Variants in PRICKLE1 observed in about 807,000 individuals in gnomAD.
The protein encoded by PRICKLE1 is prickle planar cell polarity protein 1, also known as prickle-like protein 1.
Under a neutral mutation model 70.2 loss-of-function variants are expected in PRICKLE1, and 14 were observed. The ratio of observed to expected loss-of-function variants is 0.20; its 90% confidence interval spans 0.13 to 0.31. PRICKLE1 has a LOEUF of 0.31. Ranked by LOEUF, PRICKLE1 falls within the 10% of genes least tolerant of loss-of-function variation. PRICKLE1 has a pLI of 1.00. For missense variants in PRICKLE1, 821 were observed against 1,026.2 expected (o/e 0.80, Z 2.73); for synonymous variants, 357 against 379.9 (o/e 0.94, Z 0.70).
intron 3 of PRICKLE1, chr12:42,469,896 C>A (rs897526454): frequency 5.6e-5 from 28 of 497,850 alleles, no homozygotes; most frequent in Middle Eastern, 5.5e-4. Context: ...TTAATTGCCA[C>A]TTTTACTCTC....
At chr12:42,579,717 G>A (rs1353565834) in intron 1 of PRICKLE1, among the ~76,000 whole-genome samples, 1 of 152,078 alleles carries the variant, frequency 6.6e-6, no homozygotes, top group Non-Finnish European at 1.5e-5. Context: ...AGTTAGCCAG[G>A]TTTCAGAATA....
At chr12:42,511,466 T>C (rs1939511176) in intron 1 of PRICKLE1, among the ~76,000 whole-genome samples, 1 of 152,216 alleles carries the variant, frequency 6.6e-6, no homozygotes, top group African/African-American at 2.4e-5. Context: ...CCTCCAGGTA[T>C]GAGATTAACA....
At chr12:42,561,524 G>T (rs1352060284) in intron 1 of PRICKLE1, among the ~76,000 whole-genome samples, 1 of 152,134 alleles carries the variant, frequency 6.6e-6, no homozygotes, top group Non-Finnish European at 1.5e-5. Context: ...CTGTAGAAAG[G>T]TTTATTCTGT....
At chr12:42,499,725 A>AATTT (rs3086550) in intron 1 of PRICKLE1, among the ~76,000 whole-genome samples, 25,276 of 143,998 alleles carry the variant, frequency 0.18, 2,883 homozygotes, top group African/African-American at 0.32. Context: ...CTGGCCTAGA[A>AATTT]ATTTATTTAT....
intron 1 of PRICKLE1, among the ~76,000 whole-genome samples, chr12:42,502,250 C>T (rs1252466455): frequency 7.2e-6 from 1 of 138,004 alleles, no homozygotes; most frequent in Non-Finnish European, 1.5e-5. Context: ...TATATATACA[C>T]ACCTATATAT....
intron 1 of PRICKLE1, among the ~76,000 whole-genome samples, chr12:42,472,995 C>T (rs1938384813): frequency 6.6e-6 from 1 of 152,138 alleles, no homozygotes; most frequent in Admixed American, 6.5e-5. Context: ...GGCTCAAGAC[C>T]CCACTCGGCA....
At chr12:42,562,114 T>G (rs2120709304) in intron 1 of PRICKLE1, among the ~76,000 whole-genome samples, 1 of 152,192 alleles carries the variant, frequency 6.6e-6, no homozygotes, top group East Asian at 1.9e-4. Context: ...GTTTCCATGT[T>G]GGCCAGGCTG....
At chr12:42,475,441 AG>A (rs1938484346) in intron 1 of PRICKLE1, among the ~76,000 whole-genome samples, 1 of 152,160 alleles carries the variant, frequency 6.6e-6, no homozygotes, top group Non-Finnish European at 1.5e-5. Flanking sequence ...CAATTGCCCA[AG>A]GTCAGTAAGT....
At chr12:42,519,551 A>G (rs561794106) in intron 1 of PRICKLE1, among the ~76,000 whole-genome samples, 1 of 152,272 alleles carries the variant, frequency 6.6e-6, no homozygotes, top group East Asian at 1.9e-4. Context: ...GATAATCCAG[A>G]CTTTTGTGCC....
intron 1 of PRICKLE1, among the ~76,000 whole-genome samples, chr12:42,583,655 T>A (rs577853527): frequency 6.6e-6 from 1 of 152,222 alleles, no homozygotes; most frequent in African/African-American, 2.4e-5. Flanking sequence ...ACATGAAACA[T>A]GGCATTTACA....
chr12:42,573,974 T>C (rs958007942), intron 1 of PRICKLE1, among the ~76,000 whole-genome samples: 1 of 152,140 alleles, frequency 6.6e-6, no homozygotes, highest in Non-Finnish European at 1.5e-5. Context: ...TTCTCAGCAT[T>C]TGTGTAGACT....
chr12:42,516,606 C>T (rs1393021817), intron 1 of PRICKLE1, among the ~76,000 whole-genome samples: 1 of 152,124 alleles, frequency 6.6e-6, no homozygotes, highest in Non-Finnish European at 1.5e-5. Flanking sequence ...TTGTTTCTCT[C>T]TCTCTGTTCA....
chr12:42,475,495 C>A (rs537132224), intron 1 of PRICKLE1, among the ~76,000 whole-genome samples: 1 of 152,150 alleles, frequency 6.6e-6, no homozygotes, highest in Non-Finnish European at 1.5e-5. Context: ...ACCCCTGCAA[C>A]CCCACACTGC....
intron 1 of PRICKLE1, among the ~76,000 whole-genome samples, chr12:42,573,557 C>A (rs904444848): frequency 6.6e-6 from 1 of 152,006 alleles, no homozygotes; most frequent in African/African-American, 2.4e-5. Context: ...AAGTATGATT[C>A]TTTTTGTATT....
intron 7 of PRICKLE1, among the ~76,000 whole-genome samples, chr12:42,462,286 C>T (rs1488372638): frequency 2.0e-5 from 3 of 151,508 alleles, no homozygotes; most frequent in East Asian, 1.9e-4. Flanking sequence ...CTGCAACCTC[C>T]GCCTCCCAGG....
chr12:42,520,950 C>T (rs1939699418), intron 1 of PRICKLE1, among the ~76,000 whole-genome samples: 1 of 152,150 alleles, frequency 6.6e-6, no homozygotes, highest in Admixed American at 6.5e-5. Flanking sequence ...GCGGGCAGAT[C>T]ACTTGAGGTC....
intron 1 of PRICKLE1, among the ~76,000 whole-genome samples, chr12:42,513,786 A>C (rs551419186): frequency 7.6e-4 from 116 of 152,270 alleles, no homozygotes; most frequent in Non-Finnish European, 1.4e-3. Flanking sequence ...ACTTGAGGCC[A>C]GGGTTTTGAG....
intron 1 of PRICKLE1, among the ~76,000 whole-genome samples, chr12:42,528,563 T>C (rs1172833957): frequency 6.6e-6 from 1 of 152,184 alleles, no homozygotes; most frequent in Non-Finnish European, 1.5e-5. Context: ...AATAAAACAT[T>C]ATTGCTTTAA....
chr12:42,551,803 C>G (rs1417725473), intron 1 of PRICKLE1, among the ~76,000 whole-genome samples: 1 of 152,124 alleles, frequency 6.6e-6, no homozygotes, highest in Non-Finnish European at 1.5e-5. Flanking sequence ...ATTTCATAAG[C>G]AGACACCATA....
Sources: gnomAD v4.1 joint callset for allele counts (sites outside exome capture counted in the v4.1 genomes callset) on GRCh38, gnomAD v4.1.1 for gene constraint, MANE v1.5 for transcripts, NCBI Gene and HGNC (gene_info 2026-07-23, HGNC 2026-07-21) for gene names.